The following CRTC1 variants were observed in gnomAD, a reference collection of about 807,000 sequenced individuals.
The protein encoded by CRTC1 is CREB-regulated transcription coactivator 1.
In CRTC1, 18 loss-of-function variants were observed where a neutral mutation model predicts 66.1. The observed-to-expected ratio is 0.27, with a 90% CI of 0.19 to 0.40. The LOEUF (loss-of-function observed/expected upper bound fraction) is 0.40, where lower values mean the gene tolerates loss of function less well. Ranked by LOEUF, CRTC1 falls within the 10% of genes least tolerant of loss-of-function variation. CRTC1 has a pLI of 1.00. For missense variants in CRTC1, 669 were observed against 887.9 expected (o/e 0.75, Z 3.13); for synonymous variants, 416 against 398.8 (o/e 1.04, Z -0.51).
At chr19:18,757,019 C>T (rs893873986) in intron 6 of CRTC1, among the ~76,000 whole-genome samples, 27 of 152,230 alleles carry the variant, frequency 1.8e-4, no homozygotes, top group African/African-American at 2.7e-4. Flanking sequence ...CGCCACCCCT[C>T]GGGCACCCCA....
At chr19:18,727,081 A>C (rs1442880775) in intron 1 of CRTC1, among the ~76,000 whole-genome samples, 2 of 151,914 alleles carry the variant, frequency 1.3e-5, no homozygotes, top group East Asian at 3.9e-4. Flanking sequence ...ACCCCATCTC[A>C]GCAAAAAATT....
rs1187499645 is a variant in CRTC1 at position 18,720,617 on chromosome 19, C to T, written c.127-22293C>T. Among the ~76,000 whole-genome samples, 14 of 150,706 alleles carry T rather than the reference C, an allele frequency of 9.3e-5. 1 individual carries two copies. The highest frequency in any genetic ancestry group is 4.6e-4 in the Admixed American group (7 of 15,084). On this transcript the variant is annotated intron_variant, in intron 1 of 13. Transcript: ENST00000321949. ...TCCTGACCTTGTGATCCGCCCGCCT[C>T]GGCCTCCCAGAGTGCTGGGATAACA... is the stretch of plus-strand genomic sequence containing the variant.
At position 18,781,762 on chromosome 19, in the gene CRTC1, C is replaced by T. The variant is rs2055108661; in HGVS notation, c.*4380C>T. The T allele has an allele frequency of 4.3e-6, 1 of 230,870 alleles. No individual in the cohort carries two copies. Among genetic ancestry groups the T allele is most frequent in the East Asian group, 6.1e-5 (1 of 16,336 alleles). 14.3% of individuals were successfully genotyped at this position (230,870 alleles called of 1,614,324 possible). A position where few individuals can be genotyped will look rare whatever the true frequency, so the allele number is the denominator to read the frequency against. On this transcript the variant is annotated 3_prime_UTR_variant, in exon 14 of 14. Coordinates refer to ENST00000321949, the MANE Select transcript of CRTC1 (RefSeq NM_015321.3). ...GCAGGGGCTGGGCCTTGGGGTGGTG[C>T]TGGCTCTGATGATTCCAGAGCCTGT... is the stretch of plus-strand genomic sequence containing the variant.
intron 1 of CRTC1, among the ~76,000 whole-genome samples, chr19:18,725,919 G>A (rs958187539): frequency 6.6e-6 from 1 of 152,222 alleles, no homozygotes. Context: ...GATCCCCTGG[G>A]GACATCCCAG....
At chr19:18,749,672 T>G (rs1005019262) in intron 4 of CRTC1, 109 bp from the exon 5 acceptor site, 26 of 886,556 alleles carry the variant, frequency 2.9e-5, no homozygotes, top group Non-Finnish European at 4.7e-5. Context: ...CTCACAAAAA[T>G]GATCCACAGC....
At chr19:18,738,309 C>A (rs1304129938) in intron 1 of CRTC1, among the ~76,000 whole-genome samples, 4 of 151,722 alleles carry the variant, frequency 2.6e-5, no homozygotes, top group Non-Finnish European at 5.9e-5. Flanking sequence ...AGAGTGAGAG[C>A]CTGTCTCAAA....
At chr19:18,691,985 T>G (rs2052851282) in intron 1 of CRTC1, among the ~76,000 whole-genome samples, 1 of 152,054 alleles carries the variant, frequency 6.6e-6, no homozygotes, top group Admixed American at 6.6e-5. Flanking sequence ...TGTGCTGGGA[T>G]TACAGGTGTG....
At chr19:18,702,611 G>A (rs933779629) in intron 1 of CRTC1, among the ~76,000 whole-genome samples, 26 of 144,554 alleles carry the variant, frequency 1.8e-4, no homozygotes, top group African/African-American at 5.9e-4. Context: ...TTGCCTCACC[G>A]CAACCTCCAC....
At position 18,768,743 on chromosome 19, in the gene CRTC1, T is replaced by TC. The variant is rs760791352; in HGVS notation, c.1277dup (p.Glu427ArgfsTer24). The TC allele has an allele frequency of 1.9e-6, 3 of 1,597,250 alleles. No individual in the cohort carries two copies. Among genetic ancestry groups the TC allele is most frequent in the Non-Finnish European group, 1.7e-6 (2 of 1,173,360 alleles). ...CACGGTACCGTCCTCTCTCCCCCAG[T>TC]CCCCCCCAGAGAACCCTGGCCAGCC... On this transcript the variant is annotated frameshift_variant, in exon 10 of 14. Transcript: ENST00000321949. LOFTEE classifies it high-confidence loss of function. This position sits in a 1 kb window ranked among gnomAD's most constrained non-coding sequence, Gnocchi z 5.6.
At chr19:18,746,461 C>T (rs2054238677) in intron 3 of CRTC1, among the ~76,000 whole-genome samples, 1 of 152,090 alleles carries the variant, frequency 6.6e-6, no homozygotes, top group Non-Finnish European at 1.5e-5. Context: ...CTCGGTCACG[C>T]AGAGATCAGC....
At chr19:18,744,224 G>T in intron 2 of CRTC1, 1 of 1,483,996 alleles carries the variant, frequency 6.7e-7, no homozygotes, top group Admixed American at 1.9e-5. Context: ...ACCCGTGTGC[G>T]GGCGCTGGGG....
chr19:18,776,215 G>T (rs2054986356), intron 13 of CRTC1, among the ~76,000 whole-genome samples: 1 of 152,218 alleles, frequency 6.6e-6, no homozygotes, highest in Non-Finnish European at 1.5e-5. Context: ...GCCCTGTCTG[G>T]TGAGCCCAGC....
At chr19:18,733,395 C>T (rs915439030) in intron 1 of CRTC1, among the ~76,000 whole-genome samples, 2 of 152,220 alleles carry the variant, frequency 1.3e-5, no homozygotes, top group Non-Finnish European at 2.9e-5. Flanking sequence ...AAAACGTGCT[C>T]ACGGCAGACC....
chr19:18,688,587 C>T (rs2052746793), intron 1 of CRTC1, among the ~76,000 whole-genome samples: 2 of 152,074 alleles, frequency 1.3e-5, no homozygotes, highest in South Asian at 2.1e-4. Flanking sequence ...TGCAGGCATG[C>T]ACCACCACGC....
intron 6 of CRTC1, among the ~76,000 whole-genome samples, chr19:18,758,942 C>G (rs946981018): frequency 6.6e-6 from 1 of 152,188 alleles, no homozygotes; most frequent in African/African-American, 2.4e-5. Flanking sequence ...CCTCGGGTAC[C>G]AGGGCTTAGG....
intron 1 of CRTC1, among the ~76,000 whole-genome samples, chr19:18,722,933 G>A (rs1274016486): frequency 6.6e-6 from 1 of 152,046 alleles, no homozygotes; most frequent in African/African-American, 2.4e-5. Context: ...CTGTAGCATG[G>A]ATCAGTGCTA....
At chr19:18,690,994 C>G (rs979682871) in intron 1 of CRTC1, among the ~76,000 whole-genome samples, 1 of 141,498 alleles carries the variant, frequency 7.1e-6, no homozygotes, top group Non-Finnish European at 1.5e-5. Flanking sequence ...CCACTACGCT[C>G]GAGCATGGAT....
At chr19:18,712,100 C>T (rs1392765751) in intron 1 of CRTC1, among the ~76,000 whole-genome samples, 1 of 151,904 alleles carries the variant, frequency 6.6e-6, no homozygotes, top group East Asian at 1.9e-4. Context: ...GCCACCATGG[C>T]CAGCTAATTT....
In CRTC1 at chr19:18,765,517, C is replaced by G; in HGVS notation, c.1000C>G (p.Pro334Ala). 6.2e-7 allele frequency: 1 copy of G among 1,605,640 alleles called. No individual in the cohort carries two copies. The highest frequency in any genetic ancestry group is 1.1e-5 in the South Asian group (1 of 90,730). ...ATCGCCCACCCTGTCCCCGCTGTCACCCATCACTCAGGTGCGAGGGCAAGG... is the reference window on the plus strand; with the variant it reads ...ATCGCCCACCCTGTCCCCGCTGTCAGCCATCACTCAGGTGCGAGGGCAAGG... Reference protein sequence around the residue: ...QASPTLSPLSPITQAVAMDAL... With the variant: ...QASPTLSPLSAITQAVAMDAL... The change falls in exon 9 of 14, where the codon CCC (proline) becomes GCC (alanine). Residue 334 changes from proline to alanine, a missense_variant. Coordinates refer to ENST00000321949, the MANE Select transcript of CRTC1 (RefSeq NM_015321.3).
Sources: allele counts gnomAD v4.1 joint callset (sites outside exome capture counted in the v4.1 genomes callset), GRCh38; gene constraint gnomAD v4.1.1; non-coding constraint Gnocchi (gnomAD v3.1); transcripts MANE v1.5; gene names NCBI Gene and HGNC (gene_info 2026-07-23, HGNC 2026-07-21).